The following ATP6V1B1 variants were observed in gnomAD, a reference collection of about 807,000 sequenced individuals.
ATP6V1B1 encodes ATPase H+ transporting V1 subunit B1.
In ATP6V1B1, 41 loss-of-function variants were observed where a neutral mutation model predicts 62.1. The observed-to-expected ratio is 0.66, with a 90% CI of 0.51 to 0.86. The LOEUF (loss-of-function observed/expected upper bound fraction) is 0.86, where lower values mean the gene tolerates loss of function less well. ATP6V1B1 is among the 40% of genes least tolerant of loss of function. The pLI, the probability that ATP6V1B1 is intolerant of heterozygous loss-of-function variation, is 0.00. For synonymous variants in ATP6V1B1, 253 were observed against 273.4 expected (o/e 0.93, Z 0.74); for missense variants, 651 against 697.5 (o/e 0.93, Z 0.75).
intron 8 of ATP6V1B1, 151 bp from the exon 9 acceptor site, chr2:70,962,626 C>A: frequency 2.3e-6 from 3 of 1,302,032 alleles, no homozygotes; most frequent in Non-Finnish European, 3.2e-6. Context: ...ATGGCCCTGG[C>A]CTAGGGGATG....
At chr2:70,949,879 T>A (rs1680279805) in intron 2 of ATP6V1B1, among the ~76,000 whole-genome samples, 1 of 152,230 alleles carries the variant, frequency 6.6e-6, no homozygotes, top group South Asian at 2.1e-4. Context: ...ATTTTTTGTT[T>A]ATACCTTCTG....
chr2:70,948,884 C>G (rs1158353800), intron 2 of ATP6V1B1, among the ~76,000 whole-genome samples: 1 of 152,170 alleles, frequency 6.6e-6, no homozygotes, highest in Non-Finnish European at 1.5e-5. Context: ...GGAGTGGTCC[C>G]TACTTGGTCA....
At chr2:70,954,380 C>A (rs59897328) in intron 2 of ATP6V1B1, among the ~76,000 whole-genome samples, 1 of 152,070 alleles carries the variant, frequency 6.6e-6, no homozygotes. Context: ...TATTTCTAAC[C>A]ATTTTTTTGC....
chr2:70,962,264 G>A (rs111467954), intron 8 of ATP6V1B1, among the ~76,000 whole-genome samples: 4 of 152,190 alleles, frequency 2.6e-5, no homozygotes, highest in Non-Finnish European at 5.9e-5. Flanking sequence ...CAAGCATAGG[G>A]ACGAGCACAT....
intron 6 of ATP6V1B1, 30 bp downstream of exon 6, chr2:70,960,108 TG>T: frequency 6.2e-7 from 1 of 1,613,534 alleles, no homozygotes; most frequent in Non-Finnish European, 8.5e-7. Flanking sequence ...CAGGCATGGC[TG>T]GGGGAGGGAC....
At position 70,945,855 on chromosome 2, in the gene ATP6V1B1, C is replaced by G. The variant is rs1024764; in HGVS notation, c.174+2142C>G. Reference sequence around the variant, plus strand: ...CTCTGCCTCCTAGACTACACTTCCCCCTATTCCCTCCCTCTGACTCATCCC... The same window carrying G: ...CTCTGCCTCCTAGACTACACTTCCCGCTATTCCCTCCCTCTGACTCATCCC... On this transcript the variant is annotated intron_variant, in intron 2 of 13. Coordinates refer to ENST00000234396, the MANE Select transcript of ATP6V1B1 (RefSeq NM_001692.4). Among the ~76,000 whole-genome samples the G allele has an allele frequency of 2.6e-5, 4 of 150,994 alleles. No homozygotes were observed. In the East Asian group the frequency reaches 5.9e-4, roughly 22 times the overall value.
intron 1 of ATP6V1B1, 142 bp from the exon 2 acceptor site, chr2:70,943,516 C>G (rs1414779283): frequency 2.3e-6 from 2 of 866,772 alleles, no homozygotes; most frequent in Non-Finnish European, 3.8e-6. Context: ...GGTGGCTGGC[C>G]CTGTCACAGC....
Position 70,935,932 on chromosome 2 carries a change from G to C in ATP6V1B1, c.-23G>C. 6.3e-7 allele frequency: 1 copy of C among 1,599,802 alleles called. No homozygotes were observed. The highest frequency in any genetic ancestry group is 8.6e-7 in the Non-Finnish European group (1 of 1,168,940). On this transcript the variant is annotated 5_prime_UTR_variant, in exon 1 of 14. Coordinates refer to ENST00000234396, the MANE Select transcript of ATP6V1B1 (RefSeq NM_001692.4). ...CCACCAGCAGCAGGCTCAGACACTG[G>C]GCTCCCAGCTGGGGACTGCTCCATG...
chr2:70,952,452 G>C (rs1328131573), intron 2 of ATP6V1B1, among the ~76,000 whole-genome samples: 5 of 150,006 alleles, frequency 3.3e-5, no homozygotes, highest in African/African-American at 4.9e-5. Flanking sequence ...GACAGAGTAA[G>C]ACTCTGTCTC....
intron 1 of ATP6V1B1, chr2:70,938,691 G>A: frequency 1.0e-6 from 1 of 985,436 alleles, no homozygotes; most frequent in Non-Finnish European, 1.2e-6. Flanking sequence ...GGTCCCCTGT[G>A]CCTCCCGTGG....
intron 2 of ATP6V1B1, chr2:70,947,449 A>C (rs1337822082): frequency 3.3e-5 from 5 of 152,206 alleles, no homozygotes; most frequent in African/African-American, 9.6e-5. Context: ...GACCACACGG[A>C]GAACCTCTGT....
intron 2 of ATP6V1B1, chr2:70,955,855 T>G (rs529544374): frequency 2.0e-5 from 3 of 153,490 alleles, no homozygotes; most frequent in East Asian, 3.9e-4. Flanking sequence ...TTATGGGTAT[T>G]AACTACTGAA....
At chr2:70,938,527 C>T (rs2104798135) in intron 1 of ATP6V1B1, 1 of 985,112 alleles carries the variant, frequency 1.0e-6, no homozygotes, top group Non-Finnish European at 1.2e-6. Flanking sequence ...AGGCATTCCC[C>T]TCCCCCGGGG....
intron 2 of ATP6V1B1, among the ~76,000 whole-genome samples, chr2:70,949,813 A>G (rs1390960023): frequency 6.6e-6 from 1 of 152,172 alleles, no homozygotes. Flanking sequence ...TGAAACAAAG[A>G]TTTCATCTAT....
rs1438463967 is a variant in ATP6V1B1 at position 70,950,362 on chromosome 2, A to G, written c.174+6649A>G. On this transcript the variant is annotated intron_variant, in intron 2 of 13. Transcript: ENST00000234396. ...TTTATTAAATTTTAAAATAAACAAT[A>G]ATCCATTAGGGTTGGATCAAATTTA... Among the ~76,000 whole-genome samples the G allele has an allele frequency of 3.9e-5, 6 of 152,176 alleles. No individual in the cohort carries two copies. In the East Asian group the frequency reaches 9.6e-4, roughly 24 times the overall value.
intron 1 of ATP6V1B1, among the ~76,000 whole-genome samples, chr2:70,938,145 T>C (rs1553415806): frequency 6.6e-6 from 1 of 152,052 alleles, no homozygotes; most frequent in African/African-American, 2.4e-5. Flanking sequence ...CCAGATGCCC[T>C]CCCACCCCCA....
chr2:70,959,861 G>A lies in ATP6V1B1; in HGVS notation c.446-78G>A. On this transcript the variant is annotated intron_variant, in intron 5 of 13. Transcript: ENST00000234396. This position sits in a 1 kb window ranked among gnomAD's most constrained non-coding sequence, Gnocchi z 4.2. ...AAGTTCCGTCAAACAGGGCGGCTCT[G>A]GAGTCTGGGGTCAGTGTCGAGGAGA... 1 of 1,611,164 alleles carries A rather than the reference G, an allele frequency of 6.2e-7. No homozygotes were observed. Among genetic ancestry groups the A allele is most frequent in the Non-Finnish European group, 8.5e-7 (1 of 1,178,104 alleles).
intron 2 of ATP6V1B1, among the ~76,000 whole-genome samples, chr2:70,954,761 G>T (rs1427564300): frequency 6.6e-6 from 1 of 152,132 alleles, no homozygotes; most frequent in Admixed American, 6.5e-5. Flanking sequence ...GGGATTACAG[G>T]CGTGAGCCAC....
chr2:70,958,305 G>A (rs1680493865), intron 3 of ATP6V1B1, 28 bp from the exon 4 acceptor site: 3 of 1,612,752 alleles, frequency 1.9e-6, no homozygotes, highest in Non-Finnish European at 2.5e-6. Flanking sequence ...AGGCCCCTTA[G>A]TGGAGAAACT....
Sources: allele counts gnomAD v4.1 joint callset (sites outside exome capture counted in the v4.1 genomes callset), GRCh38; gene constraint gnomAD v4.1.1; non-coding constraint Gnocchi (gnomAD v3.1); transcripts MANE v1.5; gene names NCBI Gene and HGNC (gene_info 2026-07-23, HGNC 2026-07-21).